Variants in SAMD4A observed in about 807,000 individuals in gnomAD.
SAMD4A encodes protein Smaug homolog 1.
Under a neutral mutation model 81.3 loss-of-function variants are expected in SAMD4A, and 33 were observed. The observed-to-expected ratio is 0.41, with a 90% CI of 0.31 to 0.54. The LOEUF is 0.54. SAMD4A is among the 20% of genes least tolerant of loss of function. The pLI, the probability that SAMD4A is intolerant of heterozygous loss-of-function variation, is 0.37. For synonymous variants in SAMD4A, 389 were observed against 382.1 expected (o/e 1.02, Z -0.21); for missense variants, 854 against 951.1 (o/e 0.90, Z 1.34).
At chr14:54,689,390 A>G (rs2036371126) in intron 2 of SAMD4A, among the ~76,000 whole-genome samples, 1 of 152,172 alleles carries the variant, frequency 6.6e-6, no homozygotes, top group African/African-American at 2.4e-5. Flanking sequence ...AGCAGCTAAC[A>G]ACCACATAGT....
At chr14:54,730,669 A>C (rs1341445975) in intron 3 of SAMD4A, among the ~76,000 whole-genome samples, 1 of 152,226 alleles carries the variant, frequency 6.6e-6, no homozygotes, top group East Asian at 1.9e-4. Flanking sequence ...CAGTGATGAC[A>C]GAGCATGTTA....
In SAMD4A at chr14:54,699,478, G is replaced by A. The variant is rs369876747; in HGVS notation, c.197-2584G>A. Among the ~76,000 whole-genome samples, 32 of 152,240 alleles carry A rather than the reference G, an allele frequency of 2.1e-4. No individual in the cohort carries two copies. In the East Asian group the frequency reaches 6.0e-3, roughly 28 times the overall value. ...AGCTCAGTAGTCACCAGCCACATAA[G>A]GCTTCTAAGCTCTTCAGCTGTGGCT... On this transcript the variant is annotated intron_variant, in intron 2 of 12. Coordinates refer to ENST00000554335, the MANE Select transcript of SAMD4A (RefSeq NM_015589.6).
In SAMD4A at chr14:54,788,991, C is replaced by A. The variant is rs375924063; in HGVS notation, c.*47C>A. ...GCGCTGGCCGTGAAATCGACTGCTG[C>A]GGGTCCAGTGTCCGCCATCTTCAGG... On this transcript the variant is annotated 3_prime_UTR_variant, in exon 13 of 13. Coordinates refer to ENST00000554335, the MANE Select transcript of SAMD4A (RefSeq NM_015589.6). 3.7e-6 allele frequency: 6 copies of A among 1,600,886 alleles called. No homozygotes were observed. The highest frequency in any genetic ancestry group is 5.1e-6 in the Non-Finnish European group (6 of 1,168,008).
chr14:54,719,657 C>T (rs954114711), intron 3 of SAMD4A, among the ~76,000 whole-genome samples: 3 of 152,138 alleles, frequency 2.0e-5, no homozygotes, highest in African/African-American at 7.2e-5. Flanking sequence ...TGGTTCAGAG[C>T]ACACATGGTG....
chr14:54,715,362 G>A (rs1049053386), intron 3 of SAMD4A, among the ~76,000 whole-genome samples: 1 of 152,110 alleles, frequency 6.6e-6, no homozygotes, highest in African/African-American at 2.4e-5. Context: ...AACTCAGAGA[G>A]TGCTGCTGAT....
At chr14:54,707,290 G>C (rs1457612693) in intron 3 of SAMD4A, among the ~76,000 whole-genome samples, 2 of 151,900 alleles carry the variant, frequency 1.3e-5, no homozygotes, top group East Asian at 1.9e-4. Flanking sequence ...TTTTTGTGGA[G>C]ACAGGGTCTC....
At chr14:54,638,734 G>A (rs111596599) in intron 2 of SAMD4A, among the ~76,000 whole-genome samples, 5,272 of 152,280 alleles carry the variant, frequency 0.035, 116 homozygotes, top group Non-Finnish European at 0.051. Flanking sequence ...TATACTCTGA[G>A]TTATAATGTA....
chr14:54,737,653 T>A (rs1199439415), intron 4 of SAMD4A, among the ~76,000 whole-genome samples: 1 of 151,516 alleles, frequency 6.6e-6, no homozygotes, highest in Admixed American at 6.6e-5. Flanking sequence ...TCCAACCTTG[T>A]ACCTCATTGC....
Position 54,760,411 on chromosome 14 carries a change from T to C in SAMD4A, c.1427T>C (p.Leu476Pro). 1 of 1,463,870 alleles carries C rather than the reference T, an allele frequency of 6.8e-7. No individual in the cohort carries two copies. The highest frequency in any genetic ancestry group is 8.9e-7 in the Non-Finnish European group (1 of 1,119,740). 90.7% of individuals were successfully genotyped at this position (1,463,870 alleles called of 1,614,324 possible). A position where few individuals can be genotyped will look rare whatever the true frequency, so the allele number is the denominator to read the frequency against. Residue 476 changes from leucine to proline, a missense_variant, in exon 7 of 13, where the codon CTG becomes CCG. By Grantham distance (98) the Leu-to-Pro change is moderately conservative. Coordinates refer to ENST00000554335, the MANE Select transcript of SAMD4A (RefSeq NM_015589.6). ...AGCGGGGGGCTCCAGCCGCACCAGC[T>C]GAGCAGCTGCGATGGGGAGCTGGCC... The part of the protein sequence containing the change: ...GASGGLQPHQ[L>P]SSCDGELAVA...
chr14:54,691,695 C>T (rs1354172919), intron 2 of SAMD4A, among the ~76,000 whole-genome samples: 1 of 152,136 alleles, frequency 6.6e-6, no homozygotes, highest in East Asian at 1.9e-4. Context: ...AAATTCCCAG[C>T]ATTGGCTGGC....
At chr14:54,728,564 T>C (rs972094236) in intron 3 of SAMD4A, among the ~76,000 whole-genome samples, 2 of 152,190 alleles carry the variant, frequency 1.3e-5, no homozygotes, top group African/African-American at 4.8e-5. Flanking sequence ...TGGTCATTTA[T>C]GTGTATTGTT....
Position 54,567,133 on chromosome 14 carries a change from C to G in SAMD4A, c.-627C>G, listed in dbSNP as rs2032964392. Reference sequence around the variant, plus strand: ...CCCCACCCCCGCGCCCCTTCGCAGCCGCATTGCAAGTTTTCTGCGCGGGGA... The same window carrying G: ...CCCCACCCCCGCGCCCCTTCGCAGCGGCATTGCAAGTTTTCTGCGCGGGGA... On this transcript the variant is annotated 5_prime_UTR_variant, in exon 1 of 13. Coordinates refer to ENST00000554335, the MANE Select transcript of SAMD4A (RefSeq NM_015589.6). 1 of 152,314 alleles carries G rather than the reference C, an allele frequency of 6.6e-6. No individual in the cohort carries two copies. The highest frequency in any genetic ancestry group is 6.5e-5 in the Admixed American group (1 of 15,282). 9.4% of individuals were successfully genotyped at this position (152,314 alleles called of 1,614,324 possible). A position where few individuals can be genotyped will look rare whatever the true frequency, so the allele number is the denominator to read the frequency against.
At chr14:54,741,700 A>G (rs751962890) in intron 4 of SAMD4A, among the ~76,000 whole-genome samples, 7 of 152,358 alleles carry the variant, frequency 4.6e-5, no homozygotes, top group Non-Finnish European at 1.0e-4. Context: ...ACCCTCATTC[A>G]AAGTGGAGAT....
intron 7 of SAMD4A, 86 bp from the exon 8 acceptor site, chr14:54,764,369 G>A (rs962999558): frequency 2.3e-6 from 2 of 888,744 alleles, no homozygotes; most frequent in Non-Finnish European, 1.8e-6. Flanking sequence ...CTCTCAGAGT[G>A]TTGGACCTGA....
rs574672584 is a variant in SAMD4A at position 54,697,318 on chromosome 14, G to T, written c.197-4744G>T. ...CGAGGAGCCATCATCAGAGAGACCA[G>T]ACGTACTCCAAGTCCATATAATCAG... On this transcript the variant is annotated intron_variant, in intron 2 of 12. Transcript: ENST00000554335. Among the ~76,000 whole-genome samples the T allele has an allele frequency of 1.3e-4, 20 of 152,302 alleles. 1 individual carries two copies. The highest frequency in any genetic ancestry group is 1.5e-4 in the Non-Finnish European group (10 of 68,022).
intron 3 of SAMD4A, among the ~76,000 whole-genome samples, chr14:54,736,423 C>T (rs1012762084): frequency 2.6e-5 from 4 of 152,192 alleles, no homozygotes; most frequent in African/African-American, 9.7e-5. Context: ...TGCAGTGCCC[C>T]ATACCCTGAG....
intron 4 of SAMD4A, among the ~76,000 whole-genome samples, chr14:54,741,443 G>C (rs915154113): frequency 1.3e-5 from 2 of 152,232 alleles, no homozygotes; most frequent in East Asian, 3.8e-4. Flanking sequence ...TGGGAGGAAA[G>C]AGCAGGGGAA....
At chr14:54,663,683 C>T (rs1368993312) in intron 2 of SAMD4A, among the ~76,000 whole-genome samples, 1 of 152,172 alleles carries the variant, frequency 6.6e-6, no homozygotes, top group Non-Finnish European at 1.5e-5. Context: ...TTAGGTCTCA[C>T]GTGGTCATTT....
intron 2 of SAMD4A, among the ~76,000 whole-genome samples, chr14:54,650,402 T>C (rs917811800): frequency 1.3e-5 from 2 of 152,240 alleles, no homozygotes; most frequent in African/African-American, 2.4e-5. Context: ...CTTGCATTTG[T>C]TGGAATGGCC....
Sources: gnomAD v4.1 joint callset for allele counts (sites outside exome capture counted in the v4.1 genomes callset) on GRCh38, gnomAD v4.1.1 for gene constraint, MANE v1.5 for transcripts, NCBI Gene and HGNC (gene_info 2026-07-23, HGNC 2026-07-21) for gene names.